The following MDGA2 variants were observed in gnomAD, a reference collection of about 807,000 sequenced individuals.
The protein encoded by MDGA2 is MAM domain-containing glycosylphosphatidylinositol anchor protein 2.
Under a neutral mutation model 117.8 loss-of-function variants are expected in MDGA2, and 40 were observed. The ratio of observed to expected loss-of-function variants is 0.34; its 90% CI spans 0.26 to 0.44. The LOEUF (loss-of-function observed/expected upper bound fraction) is 0.44. Ranked by LOEUF, MDGA2 falls within the 20% of genes least tolerant of loss-of-function variation. The pLI is 1.00. For synonymous variants in MDGA2, 452 were observed against 439.0 expected (o/e 1.03, Z -0.37); for missense variants, 1,123 against 1,250.6 (o/e 0.90, Z 1.54).
chr14:47,303,193 A>G (rs932981771), intron 1 of MDGA2, among the ~76,000 whole-genome samples: 7 of 152,180 alleles, frequency 4.6e-5, no homozygotes, highest in Non-Finnish European at 8.8e-5. Context: ...GATAGCTGCA[A>G]TGACAGAGCT....
At chr14:47,056,481 CATGTACTCTAA>C (rs1410441435) in intron 7 of MDGA2, among the ~76,000 whole-genome samples, 1 of 152,048 alleles carries the variant, frequency 6.6e-6, no homozygotes, top group Non-Finnish European at 1.5e-5. Flanking sequence ...ATAAAATGTC[CATGTACTCTAA>C]CAAGGTAGAA....
In MDGA2 at chr14:47,018,028, C is replaced by A. The variant is rs1443695665; in HGVS notation, c.1819+16983G>T. Among the ~76,000 whole-genome samples, 3 of 152,042 alleles carry A rather than the reference C, an allele frequency of 2.0e-5. No individual in the cohort carries two copies. In the East Asian group the frequency reaches 5.8e-4, roughly 29 times the overall value. On this transcript the variant is annotated intron_variant, in intron 8 of 16. Coordinates refer to ENST00000399232, the MANE Select transcript of MDGA2 (RefSeq NM_001113498.3). ...TCCTACAGACACAAGAGCACTAGTACATGCAGAAACATATATACTCACACA... is the reference window on the plus strand; with the variant it reads ...TCCTACAGACACAAGAGCACTAGTAAATGCAGAAACATATATACTCACACA...
intron 3 of MDGA2, among the ~76,000 whole-genome samples, chr14:47,204,744 T>C (rs1360129717): frequency 6.6e-6 from 1 of 151,944 alleles, no homozygotes; most frequent in Non-Finnish European, 1.5e-5. Context: ...AAACATGTTA[T>C]TTGCTAAATG....
At chr14:47,086,107 G>T (rs79707959) in intron 6 of MDGA2, among the ~76,000 whole-genome samples, 126 of 108,554 alleles carry the variant, frequency 1.2e-3, no homozygotes, top group African/African-American at 2.6e-3. Context: ...TTTTTTTTTT[G>T]TTTTTTGTTT....
intron 3 of MDGA2, among the ~76,000 whole-genome samples, chr14:47,152,954 G>A (rs985609794): frequency 2.6e-5 from 4 of 152,172 alleles, no homozygotes; most frequent in Admixed American, 2.6e-4. Context: ...ATGTATACAT[G>A]TGAAGAGTAG....
chr14:47,390,318 T>A (rs1402770836), intron 1 of MDGA2, among the ~76,000 whole-genome samples: 1 of 152,182 alleles, frequency 6.6e-6, no homozygotes, highest in East Asian at 1.9e-4. Context: ...TCTCAAAGAC[T>A]AGGGAAGTAA....
At chr14:46,885,747 G>A (rs891862884) in intron 10 of MDGA2, among the ~76,000 whole-genome samples, 6 of 145,366 alleles carry the variant, frequency 4.1e-5, no homozygotes, top group Non-Finnish European at 3.2e-5. Flanking sequence ...TCATGACTCA[G>A]CATAAATCCC....
chr14:46,995,623 G>C (rs1887260702), intron 8 of MDGA2, among the ~76,000 whole-genome samples: 2 of 151,820 alleles, frequency 1.3e-5, no homozygotes, highest in Non-Finnish European at 2.9e-5. Flanking sequence ...TGTTCTGAAT[G>C]TTTTAATGTT....
intron 1 of MDGA2, among the ~76,000 whole-genome samples, chr14:47,533,119 G>A (rs1467516542): frequency 6.6e-6 from 1 of 152,196 alleles, no homozygotes; most frequent in Non-Finnish European, 1.5e-5. Context: ...CAATCACTGA[G>A]ACCAGAGATG....
At chr14:47,486,367 C>T (rs1894061148) in intron 1 of MDGA2, among the ~76,000 whole-genome samples, 1 of 152,184 alleles carries the variant, frequency 6.6e-6, no homozygotes, top group South Asian at 2.1e-4. Context: ...CCTGTACCTC[C>T]ATCGTATCTA....
chr14:47,546,996 C>G (rs1323542423), intron 1 of MDGA2, among the ~76,000 whole-genome samples: 2 of 152,038 alleles, frequency 1.3e-5, no homozygotes, highest in Non-Finnish European at 2.9e-5. Context: ...CACAAAGGAA[C>G]AAAACAAGTT....
chr14:47,114,950 A>G (rs922607676), intron 5 of MDGA2, among the ~76,000 whole-genome samples: 6 of 118,516 alleles, frequency 5.1e-5, no homozygotes, highest in African/African-American at 1.9e-4. Flanking sequence ...GAGCTTCTGC[A>G]CAGCCAAAAA....
intron 6 of MDGA2, among the ~76,000 whole-genome samples, chr14:47,064,577 C>T (rs1890012024): frequency 1.3e-5 from 2 of 151,978 alleles, no homozygotes; most frequent in African/African-American, 4.8e-5. Context: ...GAATTTGCAA[C>T]CTAATTCCAG....
In MDGA2 at chr14:46,881,989, A is replaced by G. The variant is rs563520705; in HGVS notation, c.2416+55T>C. ...AATTTGGTAGATAGCAGCAACCAAAATTTTCCATATAGTTAAATATATAAA... is the reference window on the plus strand; with the variant it reads ...AATTTGGTAGATAGCAGCAACCAAAGTTTTCCATATAGTTAAATATATAAA... On this transcript the variant is annotated intron_variant, in intron 11 of 16. Transcript: ENST00000399232. 3.4e-4 allele frequency: 433 copies of G among 1,292,188 alleles called. 2 individuals are homozygous for G. In the East Asian group the frequency reaches 0.01, roughly 31 times the overall value. 80.0% of individuals were successfully genotyped at this position (1,292,188 alleles called of 1,614,324 possible). A position where few individuals can be genotyped will look rare whatever the true frequency, so the allele number is the denominator to read the frequency against.
intron 5 of MDGA2, among the ~76,000 whole-genome samples, chr14:47,107,930 T>C (rs1326224657): frequency 2.0e-5 from 3 of 151,526 alleles, no homozygotes; most frequent in African/African-American, 7.3e-5. Flanking sequence ...TCTTCCGTTC[T>C]GTCAGACATA....
At chr14:46,871,927 T>C (rs1337112299) in intron 14 of MDGA2, 2 of 403,390 alleles carry the variant, frequency 5.0e-6, no homozygotes, top group Non-Finnish European at 1.0e-5. Flanking sequence ...GTGGGAAGAT[T>C]CCTTGAGACC....
At chr14:47,636,931 C>G (rs1415803657) in intron 1 of MDGA2, among the ~76,000 whole-genome samples, 1 of 150,572 alleles carries the variant, frequency 6.6e-6, no homozygotes, top group African/African-American at 2.5e-5. Flanking sequence ...GAGATCATGC[C>G]ACTGCACTCC....
chr14:47,604,461 C>T (rs886298559), intron 1 of MDGA2, among the ~76,000 whole-genome samples: 1 of 150,868 alleles, frequency 6.6e-6, no homozygotes. Context: ...GAACTATAGG[C>T]GTGTTCCACC....
intron 1 of MDGA2, among the ~76,000 whole-genome samples, chr14:47,461,015 G>T (rs1173133200): frequency 6.6e-6 from 1 of 152,056 alleles, no homozygotes; most frequent in Non-Finnish European, 1.5e-5. Context: ...TTTTTTAAAA[G>T]AATATCTTCA....
Sources: allele counts gnomAD v4.1 joint callset (sites outside exome capture counted in the v4.1 genomes callset), GRCh38; gene constraint gnomAD v4.1.1; transcripts MANE v1.5; gene names NCBI Gene and HGNC (gene_info 2026-07-23, HGNC 2026-07-21).